Variants in FAM184A observed in about 807,000 individuals in gnomAD.
FAM184A encodes protein FAM184A.
FAM184A carries 99 observed loss-of-function variants against 143.8 expected under a neutral mutation model. The ratio of observed to expected loss-of-function variants is 0.69; its 90% CI spans 0.58 to 0.81. FAM184A has a LOEUF of 0.81. FAM184A is among the 40% of genes least tolerant of loss of function. The probability of loss-of-function intolerance (pLI) is 0.00; values close to 1 mark genes in which losing one functional copy is unlikely to be tolerated. For synonymous variants in FAM184A, 427 were observed against 446.4 expected, an observed-to-expected ratio of 0.96 and a Z score of 0.55; for missense variants, 1,217 against 1,310.5, an observed-to-expected ratio of 0.93 and a Z score of 1.10.
intron 15 of FAM184A, among the ~76,000 whole-genome samples, chr6:118,966,626 T>C (rs192017899): frequency 7.9e-5 from 12 of 152,268 alleles, no homozygotes. Flanking sequence ...TTAAAAAAAA[T>C]GAAAGACGTA....
In FAM184A at chr6:119,096,498, C is replaced by T. The variant is rs569209225; in HGVS notation, c.-202+52580G>A. ...AAAAATACAAAAAATTAGCCGGGCG[C>T]GGTGGCGGGCGCCTGTAGTCCCAGC... On this transcript the variant is annotated intron_variant, in intron 1 of 16. Coordinates refer to the FAM184A transcript ENST00000352896. Among the ~76,000 whole-genome samples the T allele has an allele frequency of 5.2e-3, 438 of 85,026 alleles. 139 individuals are homozygous for T. The highest frequency in any genetic ancestry group is 0.014 in the Admixed American group (96 of 6,872). The allele number at this position is 85,026 out of a possible 152,430, so 55.8% of individuals were successfully genotyped here.
intron 1 of FAM184A, among the ~76,000 whole-genome samples, chr6:119,071,349 T>C (rs115781697): frequency 6.6e-6 from 1 of 152,268 alleles, no homozygotes; most frequent in African/African-American, 2.4e-5. Flanking sequence ...ATAACCACAG[T>C]AGTAATTTTC....
intron 5 of FAM184A, among the ~76,000 whole-genome samples, chr6:119,012,232 G>A (rs1785111866): frequency 6.6e-6 from 1 of 152,184 alleles, no homozygotes; most frequent in African/African-American, 2.4e-5. Context: ...TATGTTACAA[G>A]CAGTTCAATA....
intron 3 of FAM184A, among the ~76,000 whole-genome samples, chr6:119,022,587 T>G (rs370916116): frequency 6.6e-6 from 1 of 152,056 alleles, no homozygotes; most frequent in Non-Finnish European, 1.5e-5. Context: ...AACATTTAAG[T>G]GTTGGGGCCG....
At chr6:119,019,897 GAAATACTCC>G in intron 4 of FAM184A, 72 bp downstream of exon 4, 2 of 1,293,082 alleles carry the variant, frequency 1.5e-6, no homozygotes, top group Non-Finnish European at 2.1e-6. Context: ...GGAGTAGCAA[GAAATACTCC>G]AAATACTTCA....
At chr6:118,976,159 CATTAA>C (rs2114570662) in intron 11 of FAM184A, 115 bp from the exon 12 acceptor site, 2 of 907,702 alleles carry the variant, frequency 2.2e-6, no homozygotes, top group Admixed American at 2.8e-5. Context: ...TGTGTATGTC[CATTAA>C]ATTAATAGAT....
intron 1 of FAM184A, among the ~76,000 whole-genome samples, chr6:119,132,908 C>A: frequency 6.6e-6 from 1 of 152,140 alleles, no homozygotes; most frequent in African/African-American, 2.4e-5. Context: ...ACATGAGGCC[C>A]CATAATTTTA....
chr6:119,006,148 ATGCCAAGAATGCCTGG>A, intron 7 of FAM184A: 1 of 765,266 alleles, frequency 1.3e-6, no homozygotes, highest in South Asian at 1.3e-5. Context: ...ATGTTGCCGA[ATGCCAAGAATGCCTGG>A]TGCTACCAGA....
At chr6:119,138,320 C>T (rs941895006) in intron 1 of FAM184A, among the ~76,000 whole-genome samples, 1 of 152,164 alleles carries the variant, frequency 6.6e-6, no homozygotes, top group African/African-American at 2.4e-5. Flanking sequence ...TAACAAATTA[C>T]CGCAAACTTG....
chr6:119,016,833 T>C lies in FAM184A; in HGVS notation c.1444A>G (p.Thr482Ala). 6.2e-7 allele frequency: 1 copy of C among 1,614,126 alleles called. No homozygotes were observed. The highest frequency in any genetic ancestry group is 8.5e-7 in the Non-Finnish European group (1 of 1,179,974). ...TGCTTCCAAGCTAATTCTTCCAAAG[T>C]CTTAGAATGGGCCTCGTTTAATTGA... Reference protein sequence around the residue: ...VTQLNEAHSKTLEELAWKHHM... With the variant: ...VTQLNEAHSKALEELAWKHHM... Residue 482 changes from threonine to alanine, a missense_variant, in exon 5 of 18, where the codon ACT (threonine) becomes GCT (alanine). Physicochemically the swap from Thr to Ala is moderately conservative, Grantham distance 58. Transcript: ENST00000338891.
chr6:118,983,548 A>G (rs1213373392), intron 9 of FAM184A, among the ~76,000 whole-genome samples: 4 of 152,136 alleles, frequency 2.6e-5, no homozygotes, highest in Admixed American at 6.5e-5. Context: ...GTTTCTATAC[A>G]TTCGTTAAAA....
chr6:119,000,739 T>C (rs1284440747), intron 9 of FAM184A, among the ~76,000 whole-genome samples: 1 of 152,124 alleles, frequency 6.6e-6, no homozygotes, highest in African/African-American at 2.4e-5. Flanking sequence ...CTGATACTTT[T>C]TCATAGCATA....
intron 9 of FAM184A, among the ~76,000 whole-genome samples, chr6:118,995,180 G>A (rs1263937139): frequency 1.3e-5 from 2 of 152,186 alleles, no homozygotes; most frequent in African/African-American, 2.4e-5. Flanking sequence ...CACTTTGGGA[G>A]GCTGAGGCAG....
intron 16 of FAM184A, chr6:118,962,166 A>G: frequency 1.7e-6 from 1 of 577,472 alleles, no homozygotes; most frequent in South Asian, 2.0e-5. Context: ...TCAAAGACAG[A>G]CATGCTACCA....
rs367865632 is a variant in FAM184A, at chr6:118,980,135, T to C, written c.2301+3A>G. Reference sequence around the variant, plus strand: ...ATTTGAACGTATGTCACATAAAACTTACTCTTTGCTCCTTTTCCTTTTCCT... The same window carrying C: ...ATTTGAACGTATGTCACATAAAACTCACTCTTTGCTCCTTTTCCTTTTCCT... On this transcript the variant is annotated splice_donor_region_variant and intron_variant, in intron 10 of 17. Transcript: ENST00000338891. 7.4e-5 allele frequency: 119 copies of C among 1,611,762 alleles called. No homozygotes were observed. Among genetic ancestry groups the C allele is most frequent in the Non-Finnish European group, 1.3e-5 (15 of 1,178,020 alleles).
At chr6:119,043,710 T>C (rs1786426102) in intron 1 of FAM184A, among the ~76,000 whole-genome samples, 1 of 152,202 alleles carries the variant, frequency 6.6e-6, no homozygotes, top group South Asian at 2.1e-4. Flanking sequence ...AAAAACTCTT[T>C]GGGAGAATGG....
At chr6:119,074,568 G>A (rs1226079542) in intron 1 of FAM184A, among the ~76,000 whole-genome samples, 1 of 151,828 alleles carries the variant, frequency 6.6e-6, no homozygotes, top group Non-Finnish European at 1.5e-5. Context: ...TAAATTGAAA[G>A]AGACAAAAAG....
intron 7 of FAM184A, among the ~76,000 whole-genome samples, chr6:119,004,545 A>C (rs964464317): frequency 1.3e-5 from 2 of 152,222 alleles, no homozygotes; most frequent in Non-Finnish European, 2.9e-5. Context: ...ATTTTCCGCC[A>C]AAGGCAACAT....
intron 11 of FAM184A, among the ~76,000 whole-genome samples, chr6:118,977,970 A>T (rs1328182916): frequency 6.6e-6 from 1 of 152,032 alleles, no homozygotes; most frequent in Non-Finnish European, 1.5e-5. Context: ...TTATTTATTT[A>T]TTTATTTTTT....
Sources: gnomAD v4.1 joint callset for allele counts (sites outside exome capture counted in the v4.1 genomes callset) on GRCh38, gnomAD v4.1.1 for gene constraint, MANE v1.5 for transcripts, NCBI Gene and HGNC (gene_info 2026-07-23, HGNC 2026-07-21) for gene names.